Variants in AFF3 observed in about 807,000 individuals in gnomAD.
The protein encoded by AFF3 is ALF transcription elongation factor 3.
AFF3 carries 32 observed loss-of-function variants against 129.7 expected under a neutral mutation model. That is an observed-to-expected ratio of 0.25 (90% confidence interval 0.19 to 0.33). The LOEUF is 0.33. Among genes scored for constraint, AFF3 ranks in the 10% least tolerant of loss-of-function variants. AFF3 has a pLI of 1.00. For missense variants in AFF3, 1,373 were observed against 1,592.0 expected (o/e 0.86, Z 2.34); for synonymous variants, 644 against 635.4 (o/e 1.01, Z -0.20).
Position 99,733,898 on chromosome 2 carries a change from C to T in AFF3, c.1040-6770G>A, listed in dbSNP as rs116021954. On this transcript the variant is annotated intron_variant, in intron 10 of 24. Transcript: ENST00000672756. The stretch of plus-strand genomic sequence containing the variant: ...ACCTTGCTATTTAGGAACATCTTGG[C>T]TATTCTTAGCCCTTTGATCTATTGT... Among the ~76,000 whole-genome samples, 255 of 152,306 alleles carry T rather than the reference C, an allele frequency of 1.7e-3. 1 individual carries two copies. The highest frequency in any genetic ancestry group is 5.7e-3 in the African/African-American group (235 of 41,580).
In AFF3 at chr2:99,570,890, G is replaced by A. The variant is rs116822073; in HGVS notation, c.2919-1975C>T. Among the ~76,000 whole-genome samples the A allele has an allele frequency of 7.1e-3, 1,077 of 152,292 alleles. 10 individuals are homozygous for A. Among genetic ancestry groups the A allele is most frequent in the African/African-American group, 0.025 (1,030 of 41,562 alleles). ...GCCTTCTAGGAGCCGAATGTTGCCT[G>A]GCCCTCAATTTCCCCCGCCGTAAGG... On this transcript the variant is annotated intron_variant, in intron 18 of 24. Coordinates refer to ENST00000672756, the MANE Select transcript of AFF3 (RefSeq NM_001386135.1).
chr2:99,756,955 A>T (rs980949301), intron 8 of AFF3, among the ~76,000 whole-genome samples: 3 of 152,192 alleles, frequency 2.0e-5, no homozygotes, highest in African/African-American at 7.2e-5. Context: ...CAGCCCTGAC[A>T]TAACTCCTTC....
chr2:99,641,492 AC>A (rs1369312884), intron 13 of AFF3, among the ~76,000 whole-genome samples: 1 of 152,230 alleles, frequency 6.6e-6, no homozygotes, highest in Non-Finnish European at 1.5e-5. Flanking sequence ...AGCCTGGCCA[AC>A]ATGGTGAAAC....
intron 13 of AFF3, among the ~76,000 whole-genome samples, chr2:99,624,649 C>T (rs116745731): frequency 0.02 from 3,105 of 152,324 alleles, 114 homozygotes; most frequent in African/African-American, 0.07. Flanking sequence ...AAAATCTCCT[C>T]AGCCTCATCA....
intron 7 of AFF3, among the ~76,000 whole-genome samples, chr2:99,929,973 G>C (rs1329771111): frequency 6.6e-6 from 1 of 151,184 alleles, no homozygotes; most frequent in African/African-American, 2.4e-5. Flanking sequence ...ACTCAGGAAA[G>C]CAGACAGTCT....
At chr2:99,582,694 A>G (rs1338117286) in intron 17 of AFF3, 104 bp downstream of exon 17, 2 of 1,266,422 alleles carry the variant, frequency 1.6e-6, no homozygotes, top group African/African-American at 3.0e-5. Context: ...GGAATTCTCA[A>G]GGGACCTCAA....
intron 7 of AFF3, among the ~76,000 whole-genome samples, chr2:99,904,155 C>T (rs559697880): frequency 8.5e-5 from 13 of 152,220 alleles, no homozygotes; most frequent in Admixed American, 3.9e-4. Context: ...ATGGAAGCTA[C>T]GATTTCCCCA....
At chr2:99,864,279 C>T (rs948985674) in intron 7 of AFF3, among the ~76,000 whole-genome samples, 3 of 152,152 alleles carry the variant, frequency 2.0e-5, no homozygotes, top group African/African-American at 7.2e-5. Context: ...ACTGGTGGAC[C>T]TCCATTCTGG....
chr2:100,021,947 CA>C (rs1264110360), intron 4 of AFF3, among the ~76,000 whole-genome samples: 3 of 152,096 alleles, frequency 2.0e-5, no homozygotes, highest in Admixed American at 6.5e-5. Context: ...CTACACAGGA[CA>C]AAAAATGTCT....
At chr2:99,845,763 A>G (rs942189050) in intron 7 of AFF3, among the ~76,000 whole-genome samples, 1 of 152,210 alleles carries the variant, frequency 6.6e-6, no homozygotes, top group African/African-American at 2.4e-5. Context: ...GGCAAACTTC[A>G]GTGAGATTTT....
At chr2:99,827,717 T>C (rs1156541555) in intron 8 of AFF3, among the ~76,000 whole-genome samples, 6 of 151,288 alleles carry the variant, frequency 4.0e-5, no homozygotes, top group African/African-American at 1.2e-4. Context: ...ACACATACGA[T>C]GGAAAGAATC....
At chr2:99,811,869 C>A (rs542420868) in intron 8 of AFF3, among the ~76,000 whole-genome samples, 1 of 152,222 alleles carries the variant, frequency 6.6e-6, no homozygotes. Context: ...TGCAGCTGTA[C>A]GATGGCCTTG....
chr2:99,922,778 G>C (rs1225229237), intron 7 of AFF3, among the ~76,000 whole-genome samples: 1 of 152,168 alleles, frequency 6.6e-6, no homozygotes, highest in Non-Finnish European at 1.5e-5. Flanking sequence ...CATTTGAGAA[G>C]TGTTTTTTCC....
At chr2:99,794,813 T>C (rs1045505367) in intron 8 of AFF3, among the ~76,000 whole-genome samples, 3 of 152,304 alleles carry the variant, frequency 2.0e-5, no homozygotes, top group East Asian at 3.9e-4. Flanking sequence ...AGTCACCTAA[T>C]TTATTTCCCT....
At chr2:99,916,072 C>T (rs959458678) in intron 7 of AFF3, among the ~76,000 whole-genome samples, 13 of 152,138 alleles carry the variant, frequency 8.5e-5, no homozygotes, top group African/African-American at 1.2e-4. Context: ...CTCAAGTTCA[C>T]CTTAAGGTGT....
intron 8 of AFF3, among the ~76,000 whole-genome samples, chr2:99,760,631 C>T (rs1682496048): frequency 6.6e-6 from 1 of 152,156 alleles, no homozygotes; most frequent in African/African-American, 2.4e-5. Context: ...TTCCCCACTT[C>T]ACCCCCAACC....
At chr2:99,984,588 G>GA (rs1404472499) in intron 7 of AFF3, among the ~76,000 whole-genome samples, 3 of 152,238 alleles carry the variant, frequency 2.0e-5, no homozygotes, top group African/African-American at 4.8e-5. Context: ...TAATGGAATA[G>GA]AAATGGAAAG....
intron 8 of AFF3, 104 bp from the exon 9 acceptor site, chr2:99,752,405 G>T: frequency 1.2e-6 from 1 of 835,670 alleles, no homozygotes. Flanking sequence ...GGCAGGGAAG[G>T]GTTAAAAAAT....
intron 14 of AFF3, 86 bp downstream of exon 14, chr2:99,601,349 C>T: frequency 1.4e-6 from 2 of 1,409,228 alleles, no homozygotes; most frequent in Non-Finnish European, 9.3e-7. Flanking sequence ...AGACCTGCAG[C>T]AGTGTGACAG....
Sources: allele counts gnomAD v4.1 joint callset (sites outside exome capture counted in the v4.1 genomes callset), GRCh38; gene constraint gnomAD v4.1.1; transcripts MANE v1.5; gene names NCBI Gene and HGNC (gene_info 2026-07-23, HGNC 2026-07-21).